PAK4: variants seen among roughly 807,000 people sequenced by gnomAD.
PAK4 encodes the protein p21 (RAC1) activated kinase 4.
Under a neutral mutation model 53.5 loss-of-function variants are expected in PAK4, and 49 were observed. The ratio of observed to expected loss-of-function variants is 0.92; its 90% CI spans 0.73 to 1.16. The LOEUF (loss-of-function observed/expected upper bound fraction) is 1.16, where lower values mean the gene tolerates loss of function less well. Ranked by LOEUF, PAK4 falls within the 50% of genes most tolerant of loss-of-function variation. The pLI is 0.00. For missense variants in PAK4, 824 were observed against 850.7 expected (o/e 0.97, Z 0.39); for synonymous variants, 376 against 375.6 (o/e 1.00, Z -0.01).
Position 39,142,722 on chromosome 19 carries a change from G to T in PAK4, c.-23+16803G>T, listed in dbSNP as rs2073930845. 2.0e-5 allele frequency among the ~76,000 whole-genome samples: 3 copies of T among 152,208 alleles called. No homozygotes were observed. In the South Asian group the frequency reaches 6.2e-4, roughly 31 times the overall value. On this transcript the variant is annotated intron_variant, in intron 1 of 8. Coordinates refer to ENST00000358301, the Ensembl canonical transcript of PAK4. ...GCAACCCCTTCCGCATCGCGTGGTGGTGACACCTTCAGAACAGAGTGGTCT... is the reference window on the plus strand; with the variant it reads ...GCAACCCCTTCCGCATCGCGTGGTGTTGACACCTTCAGAACAGAGTGGTCT...
Position 39,175,177 on chromosome 19 carries a change from G to A in PAK4, c.1232+113G>A, listed in dbSNP as rs1159990221. On this transcript the variant is annotated intron_variant, in intron 5 of 8. Coordinates refer to ENST00000358301, the Ensembl canonical transcript of PAK4. The surrounding 1 kb of genome is among the most constrained non-coding windows in gnomAD (Gnocchi z 4.7). ...TGCTCCGGGCCCCTGGGATGGGGTCGTGTCTTCCATTCCTCCCACTCCAGA... is the reference window on the plus strand; with the variant it reads ...TGCTCCGGGCCCCTGGGATGGGGTCATGTCTTCCATTCCTCCCACTCCAGA... 1.0e-5 allele frequency: 15 copies of A among 1,484,670 alleles called. No homozygotes were observed. Among genetic ancestry groups the A allele is most frequent in the Non-Finnish European group, 1.3e-5 (14 of 1,090,616 alleles). 92.0% of individuals were successfully genotyped at this position (1,484,670 alleles called of 1,614,324 possible).
chr19:39,155,515 A>G (rs1166353669), intron 1 of PAK4, among the ~76,000 whole-genome samples: 6 of 152,110 alleles, frequency 3.9e-5, no homozygotes, highest in African/African-American at 1.2e-4. Flanking sequence ...GGATGAACCA[A>G]GCAGCCCTCC....
chr19:39,144,117 T>C (rs1082504), intron 1 of PAK4, among the ~76,000 whole-genome samples: 5,966 of 124,498 alleles, frequency 0.048, 402 homozygotes, highest in African/African-American at 0.15. Context: ...GATAGATAGA[T>C]AGACAGACAG....
chr19:39,155,158 G>C (rs889914272), intron 1 of PAK4, among the ~76,000 whole-genome samples: 1 of 152,180 alleles, frequency 6.6e-6, no homozygotes, highest in Non-Finnish European at 1.5e-5. Context: ...CCCATCCTGG[G>C]TCCGGGCACC....
At chr19:39,157,598 G>A (rs931950935) in intron 1 of PAK4, among the ~76,000 whole-genome samples, 1 of 152,294 alleles carries the variant, frequency 6.6e-6, no homozygotes, top group African/African-American at 2.4e-5. Flanking sequence ...ACGCTCTGCT[G>A]GTGCCCCATA....
chr19:39,172,991 C>T (rs1223487286), exon 3 of PAK4: 24 of 1,550,110 alleles, frequency 1.5e-5, no homozygotes, highest in Middle Eastern at 2.0e-4. Flanking sequence ...GAGAACATGT[C>T]GGTGACACGC....
At chr19:39,176,827 G>A in intron 7 of PAK4, 112 bp downstream of exon 8, 1 of 1,333,280 alleles carries the variant, frequency 7.5e-7, no homozygotes, top group Non-Finnish European at 1.0e-6. Context: ...TGCCAGGAAT[G>A]GTGCTCTGGA....
chr19:39,171,208 G>GTT (rs34497285), intron 2 of PAK4, among the ~76,000 whole-genome samples: 16 of 135,448 alleles, frequency 1.2e-4, no homozygotes, highest in South Asian at 2.4e-4. Context: ...CTCCCTGTTG[G>GTT]TTTTTTTTTT....
At chr19:39,163,085 C>T (rs1374370609) in intron 1 of PAK4, among the ~76,000 whole-genome samples, 1 of 152,090 alleles carries the variant, frequency 6.6e-6, no homozygotes, top group Admixed American at 6.5e-5. Flanking sequence ...AAGCCAAACT[C>T]CCAGCGCCTC....
chr19:39,174,010 G>A (rs1356604054), exon 4 of PAK4: 3 of 1,575,926 alleles, frequency 1.9e-6, no homozygotes, highest in Non-Finnish European at 2.6e-6. Flanking sequence ...TCTTCAACGA[G>A]GTGCGGGCGC....
chr19:39,165,192 GATGATAATAATA>G (rs957748706), intron 1 of PAK4, among the ~76,000 whole-genome samples: 1 of 130,474 alleles, frequency 7.7e-6, no homozygotes, highest in African/African-American at 2.9e-5. Context: ...TGATGATGAT[GATGATAATAATA>G]ATAATAATAA....
chr19:39,155,497 G>A (rs566615541), intron 1 of PAK4, among the ~76,000 whole-genome samples: 1 of 152,214 alleles, frequency 6.6e-6, no homozygotes, highest in South Asian at 2.1e-4. Flanking sequence ...GGGCCGGAGG[G>A]TGAGAAGGGA....
At chr19:39,132,289 A>C (rs932588778) in intron 1 of PAK4, among the ~76,000 whole-genome samples, 2 of 152,226 alleles carry the variant, frequency 1.3e-5, no homozygotes, top group African/African-American at 4.8e-5. Flanking sequence ...CACACAGCAC[A>C]AAAGGATGTA....
At chr19:39,172,513 G>A (rs1048952041) in intron 2 of PAK4, among the ~76,000 whole-genome samples, 26 of 152,142 alleles carry the variant, frequency 1.7e-4, no homozygotes, top group Non-Finnish European at 5.9e-5. Context: ...CACATGGGAG[G>A]AAGTGCCAGG....
At chr19:39,177,158 C>T (rs775919726) in intron 7 of PAK4, among the ~76,000 whole-genome samples, 53 of 152,322 alleles carry the variant, frequency 3.5e-4, no homozygotes, top group Non-Finnish European at 5.3e-4. Flanking sequence ...TGAGCCACCG[C>T]GCCCAGCCTT....
chr19:39,152,393 G>A (rs2074107475), intron 1 of PAK4: 2 of 152,260 alleles, frequency 1.3e-5, no homozygotes, highest in East Asian at 3.9e-4. Context: ...TTATGTTCAG[G>A]TAGCCTTTAT....
intron 8 of PAK4, 43 bp downstream of exon 9, chr19:39,177,852 G>A (rs1401645211): frequency 6.3e-7 from 1 of 1,579,950 alleles, no homozygotes; most frequent in East Asian, 2.3e-5. Flanking sequence ...CAGCTGGCGG[G>A]TGGCAGGGCT....
intron 1 of PAK4, among the ~76,000 whole-genome samples, chr19:39,143,436 CA>C (rs1568502997): frequency 6.7e-6 from 1 of 149,966 alleles, no homozygotes; most frequent in Non-Finnish European, 1.5e-5. Context: ...ACTAAAAATA[CA>C]AAAAAATTAG....
rs1236001697 is a variant in PAK4 at position 39,133,376 on chromosome 19, A to G, written c.-23+7457A>G. Among the ~76,000 whole-genome samples, 3 of 152,300 alleles carry G rather than the reference A, an allele frequency of 2.0e-5. No individual in the cohort carries two copies. In the East Asian group the frequency reaches 5.8e-4, roughly 29 times the overall value. On this transcript the variant is annotated intron_variant, in intron 1 of 8. Coordinates refer to ENST00000358301, the Ensembl canonical transcript of PAK4. ...TATTAATATGAGCAGGCACTGTTTG[A>G]GTGCTTTCTGTGAACTAACCTACTG... is the stretch of plus-strand genomic sequence containing the variant.
Sources: gnomAD v4.1 joint callset for allele counts (sites outside exome capture counted in the v4.1 genomes callset) on GRCh38, gnomAD v4.1.1 for gene constraint, Gnocchi (gnomAD v3.1) non-coding constraint, MANE v1.5 for transcripts, NCBI Gene and HGNC (gene_info 2026-07-23, HGNC 2026-07-21) for gene names.